Variants in MIB1 observed in about 807,000 individuals in gnomAD.
MIB1 encodes the protein MIB E3 ubiquitin protein ligase 1.
In MIB1, 278 loss-of-function variants were observed where a neutral mutation model predicts 124.5. That is an observed-to-expected ratio of 2.23 (90% confidence interval 2.02 to 2.47). The LOEUF is 2.47. Ranked by LOEUF, MIB1 falls within the 30% of genes most tolerant of loss-of-function variation. The probability of loss-of-function intolerance (pLI) is 0.00; values close to 1 mark genes in which losing one functional copy is unlikely to be tolerated. For synonymous variants in MIB1, 446 were observed against 429.4 expected (o/e 1.04, Z -0.48); for missense variants, 957 against 1,254.4 (o/e 0.76, Z 3.58).
chr18:21,748,681 T>C (rs1019311473), intron 1 of MIB1, among the ~76,000 whole-genome samples: 2 of 151,008 alleles, frequency 1.3e-5, no homozygotes, highest in Non-Finnish European at 3.0e-5. Flanking sequence ...TCCATCTGCC[T>C]TGGCCTCCCA....
rs527644409 is a variant in MIB1, at chr18:21,867,375, G to A, written c.*2709G>A. On this transcript the variant is annotated 3_prime_UTR_variant, in exon 21 of 21. Coordinates refer to ENST00000261537, the MANE Select transcript of MIB1 (RefSeq NM_020774.4). ...CCTTTATTCTTCTAAGATTGTTAGC[G>A]TTGTTACTCAAAACATACACATACA... 5.0e-4 allele frequency: 76 copies of A among 152,514 alleles called. No individual in the cohort carries two copies. Among genetic ancestry groups the A allele is most frequent in the African/African-American group, 1.5e-3 (63 of 41,482 alleles). The allele number at this position is 152,514 out of a possible 1,614,324, so 9.4% of individuals were successfully genotyped here.
At chr18:21,738,442 A>G (rs544002594), upstream of MIB1, among the ~76,000 whole-genome samples, 53 of 152,314 alleles carry the variant, frequency 3.5e-4, no homozygotes, top group African/African-American at 1.3e-3. Context: ...GTGTAGAGGG[A>G]AATTTATAGC....
intron 11 of MIB1, among the ~76,000 whole-genome samples, chr18:21,816,443 A>T (rs564005421): frequency 6.6e-6 from 1 of 152,324 alleles, no homozygotes; most frequent in South Asian, 2.1e-4. Context: ...GTTTGATTAA[A>T]GTTTCTATAC....
At chr18:21,724,717 AAAAAAAAAAAATATATATAT>A (rs1228550446) in intron 1 of MIB1, among the ~76,000 whole-genome samples, 1 of 45,348 alleles carries the variant, frequency 2.2e-5, no homozygotes, top group Non-Finnish European at 4.6e-5. Flanking sequence ...CCATCCAAAA[AAAAAAAAAAAATATATATAT>A]ATATATATAT....
At chr18:21,788,987 T>G (rs1470894688) in intron 6 of MIB1, among the ~76,000 whole-genome samples, 3 of 152,194 alleles carry the variant, frequency 2.0e-5, no homozygotes, top group African/African-American at 7.2e-5. Context: ...TGACAAAACA[T>G]TCCATGTTCT....
At chr18:21,789,395 C>A (rs189614577) in intron 6 of MIB1, among the ~76,000 whole-genome samples, 106 of 152,206 alleles carry the variant, frequency 7.0e-4, no homozygotes, top group African/African-American at 2.5e-3. Context: ...AACTTGATTA[C>A]ATATGTAAAG....
intron 9 of MIB1, among the ~76,000 whole-genome samples, chr18:21,803,500 G>A (rs2041671693): frequency 6.6e-6 from 1 of 152,092 alleles, no homozygotes; most frequent in South Asian, 2.1e-4. Context: ...TTGTTGAATT[G>A]AATTTATTTA....
intron 2 of MIB1, among the ~76,000 whole-genome samples, chr18:21,767,614 G>A (rs1336069175): frequency 6.6e-6 from 1 of 151,818 alleles, no homozygotes; most frequent in African/African-American, 2.4e-5. Context: ...GTGGCACAAT[G>A]TTGGCTCACT....
At chr18:21,821,612 T>G (rs949550197) in intron 12 of MIB1, among the ~76,000 whole-genome samples, 10 of 151,220 alleles carry the variant, frequency 6.6e-5, no homozygotes, top group African/African-American at 1.5e-4. Context: ...TGTTTTTTTT[T>G]TTTTGAGGCA....
intron 18 of MIB1, chr18:21,854,856 C>T: frequency 4.7e-6 from 1 of 214,854 alleles, no homozygotes; most frequent in Non-Finnish European, 9.8e-6. Context: ...GGGCACACGC[C>T]ACATGCAGAC....
rs2040849217 is a variant in MIB1, at chr18:21,741,455, G to A, written c.-129G>A. On this transcript the variant is annotated 5_prime_UTR_variant, in exon 1 of 21. Transcript: ENST00000261537. The surrounding 1 kb of genome is among the most constrained non-coding windows in gnomAD (Gnocchi z 5.4). ...CGCCGCCCCCGTGAGTTATTCTCAC[G>A]TCCCCCGGGGCTCGCTGCCGCCCCC... 5 of 447,992 alleles carry A rather than the reference G, an allele frequency of 1.1e-5. No homozygotes were observed. The highest frequency in any genetic ancestry group is 5.0e-5 in the Admixed American group (1 of 19,808). 27.8% of individuals were successfully genotyped at this position (447,992 alleles called of 1,614,324 possible).
chr18:21,709,957 C>G (rs2040658388), intron 1 of MIB1, among the ~76,000 whole-genome samples: 2 of 152,124 alleles, frequency 1.3e-5, no homozygotes. Flanking sequence ...GGGTTTGAAC[C>G]AAAGACTGGG....
At chr18:21,711,386 A>C (rs901816715) in intron 1 of MIB1, among the ~76,000 whole-genome samples, 2 of 151,980 alleles carry the variant, frequency 1.3e-5, no homozygotes, top group Non-Finnish European at 2.9e-5. Context: ...GGTTCAAGCA[A>C]TTCTCCTGTC....
chr18:21,857,097 CTT>C, intron 18 of MIB1, 31 bp from the exon 19 acceptor site: 2 of 1,424,698 alleles, frequency 1.4e-6, no homozygotes, highest in Middle Eastern at 3.5e-4. Flanking sequence ...AATGTTCTCT[CTT>C]GTAAGAAGTG....
intron 3 of MIB1, among the ~76,000 whole-genome samples, chr18:21,773,199 G>T (rs2041241681): frequency 6.6e-6 from 1 of 152,144 alleles, no homozygotes; most frequent in African/African-American, 2.4e-5. Flanking sequence ...GGGAGGCGGA[G>T]GTTGCATTGA....
chr18:21,739,963 AT>A (rs1195143977), upstream of MIB1, among the ~76,000 whole-genome samples: 1 of 151,930 alleles, frequency 6.6e-6, no homozygotes, highest in Non-Finnish European at 1.5e-5. Flanking sequence ...AACAAAAAAA[AT>A]TTTATTTCAG....
intron 20 of MIB1, among the ~76,000 whole-genome samples, chr18:21,861,426 A>G (rs1360603681): frequency 6.6e-6 from 1 of 152,110 alleles, no homozygotes; most frequent in Non-Finnish European, 1.5e-5. Context: ...ATTATGAATT[A>G]AAATTGTTCT....
Position 21,865,901 on chromosome 18 carries a change from A to G in MIB1, c.*1235A>G, listed in dbSNP as rs1289098541. On this transcript the variant is annotated 3_prime_UTR_variant, in exon 21 of 21. Coordinates refer to ENST00000261537, the MANE Select transcript of MIB1 (RefSeq NM_020774.4). ...TATAGAAATGTCTGCTTACCTGTAGACTTTAAAAACAAACAAAATTTTTGG... is the reference window on the plus strand; with the variant it reads ...TATAGAAATGTCTGCTTACCTGTAGGCTTTAAAAACAAACAAAATTTTTGG... 8.2e-6 allele frequency: 1 copy of G among 122,082 alleles called. No homozygotes were observed. The highest frequency in any genetic ancestry group is 1.7e-5 in the Non-Finnish European group (1 of 58,470). The allele number at this position is 122,082 out of a possible 1,614,324, so 7.6% of individuals were successfully genotyped here. A position where few individuals can be genotyped will look rare whatever the true frequency, so the allele number is the denominator to read the frequency against.
At chr18:21,845,406 G>A (rs963429275) in intron 15 of MIB1, among the ~76,000 whole-genome samples, 1 of 152,080 alleles carries the variant, frequency 6.6e-6, no homozygotes, top group African/African-American at 2.4e-5. Flanking sequence ...TGTGTTTTTT[G>A]TGTGTGTTCT....
Sources: allele counts gnomAD v4.1 joint callset (sites outside exome capture counted in the v4.1 genomes callset), GRCh38; gene constraint gnomAD v4.1.1; non-coding constraint Gnocchi (gnomAD v3.1); transcripts MANE v1.5; gene names NCBI Gene and HGNC (gene_info 2026-07-23, HGNC 2026-07-21).